Variants in TEX36 observed in about 807,000 individuals in gnomAD.
The protein encoded by TEX36 is testis-expressed protein 36.
A neutral mutation model predicts 13.6 loss-of-function variants in TEX36; 12 were observed. The ratio of observed to expected loss-of-function variants is 0.88; its 90% confidence interval spans 0.56 to 1.43. TEX36 has a LOEUF of 1.43. Ranked by LOEUF, TEX36 falls within the 40% of genes most tolerant of loss-of-function variation. The probability of loss-of-function intolerance (pLI) is 0.00; values close to 1 mark genes in which losing one functional copy is unlikely to be tolerated. For missense variants in TEX36, 224 were observed against 228.3 expected (o/e 0.98, Z 0.12); for synonymous variants, 93 against 83.0 (o/e 1.12, Z -0.65).
chr10:125,582,069 GCTGGAGGAAGCGAAT>G (rs1845890249), intron 3 of TEX36, among the ~76,000 whole-genome samples: 1 of 152,248 alleles, frequency 6.6e-6, no homozygotes. Flanking sequence ...TACTCAGCCA[GCTGGAGGAAGCGAAT>G]CTGAGTGCCT....
At chr10:125,674,673 C>T (rs1309138242) in intron 1 of TEX36, among the ~76,000 whole-genome samples, 1 of 152,218 alleles carries the variant, frequency 6.6e-6, no homozygotes, top group Non-Finnish European at 1.5e-5. Context: ...AACAGTCAGG[C>T]CCATCTTCCA....
At chr10:125,617,078 G>C (rs1305447758), downstream of TEX36, among the ~76,000 whole-genome samples, 2 of 152,094 alleles carry the variant, frequency 1.3e-5, no homozygotes, top group Non-Finnish European at 2.9e-5. Context: ...TTGGTTTAAA[G>C]TCTGTTTTAT....
At chr10:125,645,482 T>C (rs1365283852) in intron 3 of TEX36, among the ~76,000 whole-genome samples, 1 of 152,162 alleles carries the variant, frequency 6.6e-6, no homozygotes, top group Non-Finnish European at 1.5e-5. Context: ...CCCTGGGGAC[T>C]CTTCAGAGAG....
intron 3 of TEX36, among the ~76,000 whole-genome samples, chr10:125,610,593 TG>T (rs1846276796): frequency 6.6e-6 from 1 of 152,080 alleles, no homozygotes; most frequent in Non-Finnish European, 1.5e-5. Flanking sequence ...TTCTATGCGT[TG>T]AATTCATTTT....
At chr10:125,670,931 A>T (rs542337925) in intron 1 of TEX36, among the ~76,000 whole-genome samples, 1 of 151,894 alleles carries the variant, frequency 6.6e-6, no homozygotes, top group Non-Finnish European at 1.5e-5. Flanking sequence ...ATTTTGTTCC[A>T]TTGGTCTATG....
downstream of TEX36, among the ~76,000 whole-genome samples, chr10:125,619,850 C>T (rs531609261): frequency 3.6e-4 from 54 of 151,726 alleles, no homozygotes; most frequent in South Asian, 8.3e-4. Context: ...CCACCTCGCC[C>T]GACCATTTTT....
intron 3 of TEX36, among the ~76,000 whole-genome samples, chr10:125,578,839 T>C (rs1845854802): frequency 6.6e-6 from 1 of 152,128 alleles, no homozygotes; most frequent in Admixed American, 6.5e-5. Context: ...CTCAATGGCT[T>C]CTTGTTGCCC....
intron 3 of TEX36, among the ~76,000 whole-genome samples, chr10:125,613,217 CTT>C (rs71029263): frequency 0.06 from 7,057 of 116,736 alleles, 284 homozygotes; most frequent in South Asian, 0.18. Context: ...TCCCCACTTC[CTT>C]TTTTTTTTTT....
intron 3 of TEX36, among the ~76,000 whole-genome samples, chr10:125,582,248 T>C (rs1374824840): frequency 6.6e-6 from 1 of 152,146 alleles, no homozygotes; most frequent in East Asian, 1.9e-4. Flanking sequence ...GAATCATGAG[T>C]TTCACTTCAG....
At chr10:125,671,039 A>G (rs1056226438) in intron 1 of TEX36, among the ~76,000 whole-genome samples, 1 of 151,728 alleles carries the variant, frequency 6.6e-6, no homozygotes, top group Non-Finnish European at 1.5e-5. Flanking sequence ...TTTTTCTGAG[A>G]TTATGGGGTT....
chr10:125,604,476 G>A (rs1057047422), intron 3 of TEX36, among the ~76,000 whole-genome samples: 2 of 151,660 alleles, frequency 1.3e-5, no homozygotes, highest in Middle Eastern at 3.2e-3. Flanking sequence ...AGGAGTTCAA[G>A]ACCAGCCTAG....
chr10:125,588,928 G>A (rs1273415155), intron 3 of TEX36, among the ~76,000 whole-genome samples: 2 of 152,066 alleles, frequency 1.3e-5, no homozygotes, highest in African/African-American at 4.8e-5. Context: ...CAAATCTCAG[G>A]TGAACTCACA....
intron 3 of TEX36, among the ~76,000 whole-genome samples, chr10:125,625,168 C>T (rs950725808): frequency 2.0e-5 from 3 of 152,212 alleles, no homozygotes; most frequent in Admixed American, 1.3e-4. Context: ...AGACGATATG[C>T]GTGCATCCTA....
intron 3 of TEX36, among the ~76,000 whole-genome samples, chr10:125,637,760 C>G (rs1278814975): frequency 6.6e-6 from 1 of 152,126 alleles, no homozygotes; most frequent in African/African-American, 2.4e-5. Context: ...AGGCAGCGGC[C>G]TCAAGAACCT....
downstream of TEX36, among the ~76,000 whole-genome samples, chr10:125,619,928 G>T (rs1364125490): frequency 6.6e-6 from 1 of 151,384 alleles, no homozygotes; most frequent in African/African-American, 2.4e-5. Flanking sequence ...TATCACCTAG[G>T]TGCATGTATC....
At chr10:125,672,007 T>G (rs192695737) in intron 1 of TEX36, among the ~76,000 whole-genome samples, 7 of 152,308 alleles carry the variant, frequency 4.6e-5, no homozygotes, top group African/African-American at 1.7e-4. Flanking sequence ...TGTGTCTATT[T>G]GATTCTTCTC....
chr10:125,656,891 C>G (rs1167178657), intron 3 of TEX36, among the ~76,000 whole-genome samples: 1 of 152,052 alleles, frequency 6.6e-6, no homozygotes, highest in Non-Finnish European at 1.5e-5. Context: ...AGCTGCCCCC[C>G]AGCACTCAGT....
chr10:125,628,143 T>A (rs1846509838), intron 3 of TEX36, among the ~76,000 whole-genome samples: 1 of 152,210 alleles, frequency 6.6e-6, no homozygotes, highest in Non-Finnish European at 1.5e-5. Flanking sequence ...AAAATGCAAG[T>A]GTGGTGTTGT....
chr10:125,667,561 C>T (rs1847143643), intron 1 of TEX36: 1 of 737,786 alleles, frequency 1.4e-6, no homozygotes, highest in African/African-American at 1.7e-5. Context: ...ACTCAGACAG[C>T]CCATACAACC....
Sources: gnomAD v4.1 joint callset for allele counts (sites outside exome capture counted in the v4.1 genomes callset) on GRCh38, gnomAD v4.1.1 for gene constraint, MANE v1.5 for transcripts, NCBI Gene and HGNC (gene_info 2026-07-23, HGNC 2026-07-21) for gene names.